Variants in CEP57 observed in about 807,000 individuals in gnomAD.
CEP57 encodes centrosomal protein 57.
CEP57 carries 40 observed loss-of-function variants against 68.0 expected under a neutral mutation model. That is an observed-to-expected ratio of 0.59 (90% CI 0.46 to 0.77). The LOEUF (loss-of-function observed/expected upper bound fraction) is 0.77, where lower values mean the gene tolerates loss of function less well. CEP57 is among the 30% of genes least tolerant of loss of function. The probability of loss-of-function intolerance (pLI) is 0.00; values close to 1 mark genes in which losing one functional copy is unlikely to be tolerated. For missense variants in CEP57, 606 were observed against 580.7 expected, an observed-to-expected ratio of 1.04 and a Z score of -0.45; for synonymous variants, 219 against 198.7, an observed-to-expected ratio of 1.10 and a Z score of -0.86.
Position 95,790,515 on chromosome 11 carries a change from G to C in CEP57, c.-184G>C. 2 of 643,406 alleles carry C rather than the reference G, an allele frequency of 3.1e-6. No individual in the cohort carries two copies. The highest frequency in any genetic ancestry group is 2.8e-5 in the Admixed American group (1 of 35,992). The allele number at this position is 643,406 out of a possible 1,614,324, so 39.9% of individuals were successfully genotyped here. On this transcript the variant is annotated 5_prime_UTR_variant, in exon 1 of 11. Transcript: ENST00000325542. ...GTGTTGCCCTTTCTGTGTAAGCTGTGAGCGTAGGCGGCCCTGAGGGGGTGT... is the reference window on the plus strand; with the variant it reads ...GTGTTGCCCTTTCTGTGTAAGCTGTCAGCGTAGGCGGCCCTGAGGGGGTGT...
chr11:95,816,166 A>G (rs951258303), intron 4 of CEP57, among the ~76,000 whole-genome samples: 25 of 152,148 alleles, frequency 1.6e-4, no homozygotes, highest in Non-Finnish European at 1.5e-5. Flanking sequence ...CTTATGGTGG[A>G]AGGGGAAGCA....
At chr11:95,823,784 T>A (rs186147165) in intron 8 of CEP57, among the ~76,000 whole-genome samples, 1 of 152,168 alleles carries the variant, frequency 6.6e-6, no homozygotes, top group African/African-American at 2.4e-5. Context: ...GCTAATCATC[T>A]TCAAATGAGC....
chr11:95,800,641 T>G (rs1408709178), intron 2 of CEP57, among the ~76,000 whole-genome samples: 1 of 152,148 alleles, frequency 6.6e-6, no homozygotes, highest in Non-Finnish European at 1.5e-5. Context: ...CCACCCGCCT[T>G]GGCCTCCCAA....
chr11:95,818,742 T>G (rs1381124775), intron 5 of CEP57, 85 bp from the exon 6 acceptor site: 2 of 1,039,952 alleles, frequency 1.9e-6, no homozygotes, highest in African/African-American at 3.2e-5. Flanking sequence ...AGGATAAAAT[T>G]TACATGTTCC....
At chr11:95,812,816 C>A in intron 2 of CEP57, 116 bp from the exon 3 acceptor site, 1 of 883,500 alleles carries the variant, frequency 1.1e-6, no homozygotes, top group Non-Finnish European at 1.9e-6. Context: ...AAAGAGTGAT[C>A]CTCCACTGGA....
chr11:95,796,093 T>C (rs1403356010), intron 1 of CEP57, among the ~76,000 whole-genome samples: 2 of 152,226 alleles, frequency 1.3e-5, no homozygotes, highest in African/African-American at 4.8e-5. Context: ...CCTACTGTTT[T>C]GTATTTGAGT....
chr11:95,820,579 C>CAA lies in CEP57; in HGVS notation c.700-1275_700-1274dup, dbSNP rs56260498. 9.1e-3 allele frequency among the ~76,000 whole-genome samples: 748 copies of CAA among 82,374 alleles called. 19 individuals carry two copies. Among genetic ancestry groups the CAA allele is most frequent in the Middle Eastern group, 0.039 (6 of 154 alleles). 54.0% of individuals were successfully genotyped at this position (82,374 alleles called of 152,430 possible). ...TGCATTCCATCCTGGGCAACAAGAG[C>CAA]AAAAAAAAAAAAAAAAAACAGTGTT... On this transcript the variant is annotated intron_variant, in intron 6 of 10. Transcript: ENST00000325542.
intron 2 of CEP57, among the ~76,000 whole-genome samples, chr11:95,803,569 G>A (rs974974400): frequency 1.1e-4 from 7 of 63,952 alleles, no homozygotes; most frequent in Non-Finnish European, 2.1e-4. Flanking sequence ...CTGCCCCCCC[G>A]CCCCTTAATC....
chr11:95,816,734 A>G (rs1862311954), intron 4 of CEP57, among the ~76,000 whole-genome samples: 1 of 152,182 alleles, frequency 6.6e-6, no homozygotes, highest in African/African-American at 2.4e-5. Context: ...TTTTACCAAT[A>G]ATAGTCCTTG....
chr11:95,814,087 C>G, intron 4 of CEP57, among the ~76,000 whole-genome samples: 1 of 141,016 alleles, frequency 7.1e-6, no homozygotes, highest in African/African-American at 2.5e-5. Flanking sequence ...CTGTCTCACT[C>G]TGTCACCCAG....
intron 1 of CEP57, among the ~76,000 whole-genome samples, chr11:95,794,900 A>G (rs1176173020): frequency 6.6e-6 from 1 of 152,134 alleles, no homozygotes; most frequent in East Asian, 1.9e-4. Flanking sequence ...TAAAATACAC[A>G]ATTGTCCCCA....
chr11:95,832,035 T>C lies in CEP57; in HGVS notation c.*779T>C, dbSNP rs565020300. 1.3e-5 allele frequency: 2 copies of C among 152,260 alleles called. No individual in the cohort carries two copies. Among genetic ancestry groups the C allele is most frequent in the Admixed American group, 6.5e-5 (1 of 15,284 alleles). The allele number at this position is 152,260 out of a possible 1,614,324, so 9.4% of individuals were successfully genotyped here. A position where few individuals can be genotyped will look rare whatever the true frequency, so the allele number is the denominator to read the frequency against. On this transcript the variant is annotated 3_prime_UTR_variant, in exon 11 of 11. Coordinates refer to ENST00000325542, the MANE Select transcript of CEP57 (RefSeq NM_014679.5). ...TAATACCTGTTTTGTAATCATGATATTCAGTCAAGGCATTATGGTTTTTAA... is the reference window on the plus strand; with the variant it reads ...TAATACCTGTTTTGTAATCATGATACTCAGTCAAGGCATTATGGTTTTTAA...
chr11:95,803,931 A>G (rs1861685840), intron 2 of CEP57, among the ~76,000 whole-genome samples: 1 of 152,134 alleles, frequency 6.6e-6, no homozygotes, highest in Non-Finnish European at 1.5e-5. Flanking sequence ...AGGTATAGCC[A>G]TGTTGAGGTA....
At chr11:95,799,688 T>A (rs1861492505) in intron 2 of CEP57, among the ~76,000 whole-genome samples, 1 of 152,150 alleles carries the variant, frequency 6.6e-6, no homozygotes. Flanking sequence ...GCATACTGTT[T>A]TTTCTGCCTT....
intron 4 of CEP57, among the ~76,000 whole-genome samples, chr11:95,816,371 A>C (rs888698871): frequency 1.1e-4 from 17 of 152,254 alleles, no homozygotes; most frequent in African/African-American, 4.1e-4. Flanking sequence ...TTACAATTCA[A>C]GATGAGATTT....
intron 2 of CEP57, among the ~76,000 whole-genome samples, chr11:95,805,537 T>C (rs1485221618): frequency 1.3e-5 from 2 of 152,298 alleles, no homozygotes; most frequent in East Asian, 3.9e-4. Context: ...ATAAATTATG[T>C]TAATAAATGG....
chr11:95,819,791 A>G (rs2135345192), intron 6 of CEP57, among the ~76,000 whole-genome samples: 2 of 152,328 alleles, frequency 1.3e-5, no homozygotes, highest in East Asian at 1.9e-4. Context: ...TATAAAAGTT[A>G]TCTTTGTTAT....
At chr11:95,793,274 CATAATGAAATTA>C (rs1861181235) in intron 1 of CEP57, among the ~76,000 whole-genome samples, 2 of 152,268 alleles carry the variant, frequency 1.3e-5, no homozygotes, top group Admixed American at 1.3e-4. Flanking sequence ...TATGATTGGG[CATAATGAAATTA>C]ATTCCATATG....
intron 6 of CEP57, among the ~76,000 whole-genome samples, chr11:95,819,438 T>C (rs541806138): frequency 6.6e-6 from 1 of 152,286 alleles, no homozygotes; most frequent in South Asian, 2.1e-4. Flanking sequence ...TGAGGCAGTG[T>C]GGATTCACAA....
Sources: gnomAD v4.1 joint callset for allele counts (sites outside exome capture counted in the v4.1 genomes callset) on GRCh38, gnomAD v4.1.1 for gene constraint, MANE v1.5 for transcripts, NCBI Gene and HGNC (gene_info 2026-07-23, HGNC 2026-07-21) for gene names.